The following PAM16 variants were observed in gnomAD, a reference collection of about 807,000 sequenced individuals.
The protein encoded by PAM16 is presequence translocase associated motor 16.
Under a neutral mutation model 17.9 loss-of-function variants are expected in PAM16, and 11 were observed. The observed-to-expected ratio is 0.62, with a 90% CI of 0.39 to 1.02. The LOEUF is 1.02. Ranked by LOEUF, PAM16 falls within the 50% of genes least tolerant of loss-of-function variation. The pLI is 0.01. For missense variants in PAM16, 199 were observed against 165.4 expected (o/e 1.20, Z -1.11); for synonymous variants, 72 against 67.4 (o/e 1.07, Z -0.34).
At chr16:4,347,881 A>G (rs2053782388) in intron 1 of PAM16, 1 of 152,264 alleles carries the variant, frequency 6.6e-6, no homozygotes, top group South Asian at 2.1e-4. Flanking sequence ...GCGTGGGGGC[A>G]GCATGTGCAC....
chr16:4,343,226 G>C lies in PAM16; in HGVS notation c.69C>G (p.Ala23=). The change falls in exon 2 of 5, where the codon GCC becomes GCG. Residue 23 remains alanine, a synonymous_variant. Transcript: ENST00000318059. The part of the protein sequence containing the change: ...VQVVGRAFAR[A]LRQEFAASRA... The stretch of plus-strand genomic sequence containing the variant: ...GCTTACCTGCAAACTCCTGCCGCAA[G>C]GCCCGTGCAAAGGCCCTGCCCACCA... 6.2e-7 allele frequency: 1 copy of C among 1,612,772 alleles called. No individual in the cohort carries two copies. Among genetic ancestry groups the C allele is most frequent in the Non-Finnish European group, 8.5e-7 (1 of 1,179,920 alleles).
At chr16:4,348,108 C>G (rs2141153971) in intron 1 of PAM16, 1 of 152,308 alleles carries the variant, frequency 6.6e-6, no homozygotes, top group South Asian at 2.1e-4. Context: ...ACCCAGGGCC[C>G]CTGAGAATAG....
intron 1 of PAM16, among the ~76,000 whole-genome samples, chr16:4,350,390 T>C (rs9937016): frequency 0.031 from 4,670 of 150,550 alleles, 248 homozygotes; most frequent in African/African-American, 0.11. Flanking sequence ...GTATACGGTA[T>C]ATATAATACA....
chr16:4,345,729 G>T, intron 1 of PAM16: 2 of 341,898 alleles, frequency 5.8e-6, no homozygotes, highest in Non-Finnish European at 8.3e-6. Flanking sequence ...CAGGGCTGTG[G>T]CTGTACTGCA....
intron 1 of PAM16, chr16:4,347,713 G>A (rs1275314286): frequency 1.3e-5 from 2 of 152,274 alleles, no homozygotes; most frequent in African/African-American, 4.8e-5. Flanking sequence ...ACCACTGCCT[G>A]AGGCCCCTCC....
rs990306116 is a variant in PAM16, at chr16:4,351,227, C to T, written c.3+5G>A. On this transcript the variant is annotated splice_donor_5th_base_variant and intron_variant, in intron 1 of 4. Transcript: ENST00000318059. ...CTCCCCGGTAGCGCCCGACTCGGGGCTCACCATGGCAGCCGCTCTGCCTCC... is the reference window on the plus strand; with the variant it reads ...CTCCCCGGTAGCGCCCGACTCGGGGTTCACCATGGCAGCCGCTCTGCCTCC... The T allele has an allele frequency of 3.4e-6, 5 of 1,449,650 alleles. No individual in the cohort carries two copies. The African/African-American group carries it at 5.8e-5, about 17-fold the overall frequency. 89.8% of individuals were successfully genotyped at this position (1,449,650 alleles called of 1,614,324 possible).
rs1567231078 is a variant in PAM16 at position 4,344,408 on chromosome 16, G to C, written c.4-1117C>G. ...GTTCTGTGTGAGAGGAGGGGGTTCT[G>C]TGAGAGGAGGGGACTGTGTGACAGG... On this transcript the variant is annotated intron_variant, in intron 1 of 4. Transcript: ENST00000318059. Among the ~76,000 whole-genome samples, 12 of 131,178 alleles carry C rather than the reference G, an allele frequency of 9.1e-5. 4 individuals are homozygous for C. The highest frequency in any genetic ancestry group is 1.5e-4 in the Admixed American group (2 of 13,072). The allele number at this position is 131,178 out of a possible 152,430, so 86.1% of individuals were successfully genotyped here.
intron 1 of PAM16, chr16:4,347,850 C>T (rs769260354): frequency 6.6e-6 from 1 of 152,256 alleles, no homozygotes; most frequent in Non-Finnish European, 1.5e-5. Flanking sequence ...CAGTCAGAAG[C>T]ACAGGATCCA....
In PAM16 at chr16:4,340,965, CTTAAATAAGTG is replaced by C; in HGVS notation, c.235_245del (p.His79GlyfsTer3). On this transcript the variant is annotated frameshift_variant, in exon 4 of 5. Transcript: ENST00000318059. LOFTEE classifies it high-confidence loss of function. ...AGCCACCCACGGATTTATCATTCAC[CTTAAATAAGTG>C]TTCATAGTTCTGCAGAGGAGAGGGG... 1 of 1,613,696 alleles carries C rather than the reference CTTAAATAAGTG, an allele frequency of 6.2e-7. No individual in the cohort carries two copies. Among genetic ancestry groups the C allele is most frequent in the South Asian group, 1.1e-5 (1 of 91,092 alleles).
chr16:4,340,511 G>T, intron 4 of PAM16, 106 bp from the exon 5 acceptor site: 4 of 1,261,448 alleles, frequency 3.2e-6, no homozygotes, highest in Non-Finnish European at 4.4e-6. Flanking sequence ...TTTTTGAAGG[G>T]CAGTGGGTGG....
chr16:4,346,480 G>A (rs1231879204), intron 1 of PAM16, among the ~76,000 whole-genome samples: 3 of 152,172 alleles, frequency 2.0e-5, no homozygotes, highest in African/African-American at 7.2e-5. Context: ...GCACTATGAA[G>A]TAACAAAGCT....
chr16:4,343,758 T>C, intron 1 of PAM16: 1 of 416,144 alleles, frequency 2.4e-6, no homozygotes, highest in Non-Finnish European at 4.2e-6. Flanking sequence ...TCTGTCCTAA[T>C]TCTCCCAAGT....
chr16:4,344,176 G>A (rs1366028229), intron 1 of PAM16: 2 of 383,598 alleles, frequency 5.2e-6, no homozygotes, highest in Admixed American at 4.7e-5. Flanking sequence ...ACTGAGATGG[G>A]ATTCGGTGAG....
intron 1 of PAM16, chr16:4,343,951 T>C (rs1217707108): frequency 5.0e-6 from 2 of 398,254 alleles, no homozygotes; most frequent in Non-Finnish European, 8.8e-6. Flanking sequence ...AAACATCTGC[T>C]GAGAGTCTAC....
intron 2 of PAM16, 26 bp from the exon 3 acceptor site, chr16:4,341,530 C>T: frequency 2.5e-6 from 4 of 1,587,464 alleles, no homozygotes; most frequent in Non-Finnish European, 3.4e-6. Flanking sequence ...GGTGATCGCT[C>T]AGTCCTCAGC....
rs376927660 is a variant in PAM16, at chr16:4,341,239, C to T, written c.225+129G>A. On this transcript the variant is annotated intron_variant, in intron 3 of 4. Coordinates refer to ENST00000318059, the MANE Select transcript of PAM16 (RefSeq NM_016069.11). ...AAACTTCACGAGCAACAGTGGCTCC[C>T]GAAAGTTGGAGTCCGAGCTGGGTGC... is the stretch of plus-strand genomic sequence containing the variant. The T allele has an allele frequency of 3.2e-5, 46 of 1,437,140 alleles. 1 individual carries two copies. Among genetic ancestry groups the T allele is most frequent in the Admixed American group, 2.1e-4 (9 of 42,444 alleles). The allele number at this position is 1,437,140 out of a possible 1,614,324, so 89.0% of individuals were successfully genotyped here. A position where few individuals can be genotyped will look rare whatever the true frequency, so the allele number is the denominator to read the frequency against.
At chr16:4,345,078 G>C (rs150686642) in intron 1 of PAM16, among the ~76,000 whole-genome samples, 15 of 152,166 alleles carry the variant, frequency 9.9e-5, no homozygotes, top group African/African-American at 3.4e-4. Context: ...GAAACAAAGC[G>C]ATTATATATA....
chr16:4,343,310 C>G lies in PAM16; in HGVS notation c.4-19G>C. ...ACTTGGCCTGTGGGCAAAGCAGGCA[C>G]CCGGTTAGCAGGCCACTCCCTGTGG... On this transcript the variant is annotated intron_variant, in intron 1 of 4. Transcript: ENST00000318059. 5 of 1,592,714 alleles carry G rather than the reference C, an allele frequency of 3.1e-6. No homozygotes were observed. Among genetic ancestry groups the G allele is most frequent in the Non-Finnish European group, 4.3e-6 (5 of 1,170,946 alleles).
intron 3 of PAM16, 52 bp downstream of exon 3, chr16:4,341,316 C>T: frequency 7.2e-6 from 11 of 1,537,702 alleles, no homozygotes; most frequent in Non-Finnish European, 9.7e-6. Flanking sequence ...TTCACTCTTC[C>T]CACCCTGGCA....
Sources: allele counts gnomAD v4.1 joint callset (sites outside exome capture counted in the v4.1 genomes callset), GRCh38; gene constraint gnomAD v4.1.1; transcripts MANE v1.5; gene names NCBI Gene and HGNC (gene_info 2026-07-23, HGNC 2026-07-21).